The following XXYLT1 variants were observed in gnomAD, a reference collection of about 807,000 sequenced individuals.
XXYLT1 encodes the protein xyloside xylosyltransferase 1, also known as UDP-xylose:alpha-xyloside alpha-1,3-xylosyltransferase.
XXYLT1 carries 20 observed loss-of-function variants against 28.9 expected under a neutral mutation model. The observed-to-expected ratio is 0.69, with a 90% CI of 0.49 to 1.00. The LOEUF is 1.00. Among genes scored for constraint, XXYLT1 ranks in the 50% least tolerant of loss-of-function variants. The probability of loss-of-function intolerance (pLI) is 0.00; values close to 1 mark genes in which losing one functional copy is unlikely to be tolerated. For synonymous variants in XXYLT1, 257 were observed against 253.8 expected (o/e 1.01, Z -0.12); for missense variants, 542 against 560.1 (o/e 0.97, Z 0.33).
chr3:195,159,513 A>G (rs185730777), intron 2 of XXYLT1, among the ~76,000 whole-genome samples: 81 of 152,326 alleles, frequency 5.3e-4, no homozygotes, highest in Non-Finnish European at 9.9e-4. Flanking sequence ...GGGTGTGCTC[A>G]GGACTAACCA....
At position 195,180,116 on chromosome 3, in the gene XXYLT1, T is replaced by G. The variant is rs943103857; in HGVS notation, c.653-23535A>C. ...CAGTGGGGTTCTGGCAGAGCACCGC[T>G]GACCCGTCATGGAAGGAGGGGAGCA... On this transcript the variant is annotated intron_variant, in intron 2 of 3. Coordinates refer to ENST00000310380, the MANE Select transcript of XXYLT1 (RefSeq NM_152531.5). The surrounding 1 kb of genome is among the most constrained non-coding windows in gnomAD (Gnocchi z 5.8). Among the ~76,000 whole-genome samples, 1 of 152,172 alleles carries G rather than the reference T, an allele frequency of 6.6e-6. No homozygotes were observed. Among genetic ancestry groups the G allele is most frequent in the Non-Finnish European group, 1.5e-5 (1 of 68,036 alleles).
chr3:195,270,585 G>C lies in XXYLT1; in HGVS notation c.474C>G (p.Leu158=). ...REVAKGLLRE[L]LPPAAGFKCK... ...ACTTGAAGCCAGCGGCGGGCGGCAG[G>C]AGCTCCCGCAGCAGGCCCTTGGCCA... is the stretch of plus-strand genomic sequence containing the variant. The change falls in exon 1 of 4, where the codon CTC becomes CTG. Residue 158 remains leucine (L), a synonymous_variant. Coordinates refer to ENST00000310380, the MANE Select transcript of XXYLT1 (RefSeq NM_152531.5). The C allele has an allele frequency of 7.2e-7, 1 of 1,385,588 alleles. No homozygotes were observed. Among genetic ancestry groups the C allele is most frequent in the East Asian group, 3.0e-5 (1 of 33,602 alleles). The allele number at this position is 1,385,588 out of a possible 1,614,324, so 85.8% of individuals were successfully genotyped here.
At chr3:195,220,692 C>CA (rs1161173774) in intron 2 of XXYLT1, among the ~76,000 whole-genome samples, 3 of 152,200 alleles carry the variant, frequency 2.0e-5, no homozygotes, top group African/African-American at 7.2e-5. Context: ...CCGAGCAGTA[C>CA]AATGAATGGA....
At chr3:195,116,028 G>C (rs1027537537) in intron 3 of XXYLT1, among the ~76,000 whole-genome samples, 1 of 152,118 alleles carries the variant, frequency 6.6e-6, no homozygotes, top group African/African-American at 2.4e-5. Context: ...GGTTGTTTAC[G>C]TGGACTTGAT....
At chr3:195,192,059 GA>G (rs1476478083) in intron 2 of XXYLT1, among the ~76,000 whole-genome samples, 4 of 152,158 alleles carry the variant, frequency 2.6e-5, no homozygotes, top group Non-Finnish European at 4.4e-5. Context: ...TCTGCACATT[GA>G]AGAACACACA....
In XXYLT1 at chr3:195,133,239, C is replaced by A. The variant is rs1419768424; in HGVS notation, c.785+23210G>T. ...GCTGAGCAGACAGATGGCTGCAAGT[C>A]CCAACGCTCTGATAAAAAAAGGAAA... On this transcript the variant is annotated intron_variant, in intron 3 of 3. Coordinates refer to ENST00000310380, the MANE Select transcript of XXYLT1 (RefSeq NM_152531.5). This position sits in a 1 kb window ranked among gnomAD's most constrained non-coding sequence, Gnocchi z 4.4. 1.3e-5 allele frequency among the ~76,000 whole-genome samples: 2 copies of A among 152,116 alleles called. No individual in the cohort carries two copies. The highest frequency in any genetic ancestry group is 2.9e-5 in the Non-Finnish European group (2 of 68,028).
chr3:195,131,044 T>C (rs1322689587), intron 3 of XXYLT1, among the ~76,000 whole-genome samples: 1 of 151,860 alleles, frequency 6.6e-6, no homozygotes. Flanking sequence ...CCTCCTTCAA[T>C]GTATCCCTCG....
intron 1 of XXYLT1, chr3:195,247,945 C>A: frequency 1.7e-6 from 1 of 578,760 alleles, no homozygotes. Flanking sequence ...GGAAGTCCCG[C>A]CCCTGTGGTC....
At chr3:195,202,132 G>A (rs572181848) in intron 2 of XXYLT1, among the ~76,000 whole-genome samples, 162 of 152,200 alleles carry the variant, frequency 1.1e-3, no homozygotes, top group Middle Eastern at 6.8e-3. Context: ...AGCCGAGATC[G>A]TGCCACTGCA....
rs1039682544 is a variant in XXYLT1, at chr3:195,068,964, G to A, written c.*751C>T. Reference sequence around the variant, plus strand: ...TGGCCAGTCTCTGTTCTTTGATGACGAATTTGCTTTCTGAGTAGAGTCTGG... The same window carrying A: ...TGGCCAGTCTCTGTTCTTTGATGACAAATTTGCTTTCTGAGTAGAGTCTGG... On this transcript the variant is annotated 3_prime_UTR_variant, in exon 4 of 4. Transcript: ENST00000310380. The A allele has an allele frequency of 3.3e-5, 5 of 152,136 alleles. No individual in the cohort carries two copies. The highest frequency in any genetic ancestry group is 5.9e-5 in the Non-Finnish European group (4 of 68,054). The allele number at this position is 152,136 out of a possible 1,614,324, so 9.4% of individuals were successfully genotyped here.
chr3:195,191,212 C>T (rs967853107), intron 2 of XXYLT1, among the ~76,000 whole-genome samples: 1 of 152,062 alleles, frequency 6.6e-6, no homozygotes, highest in Non-Finnish European at 1.5e-5. Context: ...AAAAGTTATA[C>T]CAAGTGTGCC....
At chr3:195,130,684 G>A (rs562928414) in intron 3 of XXYLT1, among the ~76,000 whole-genome samples, 4 of 152,312 alleles carry the variant, frequency 2.6e-5, no homozygotes, top group South Asian at 2.1e-4. Flanking sequence ...CACTGGAGGC[G>A]AGAGGAGGGG....
intron 3 of XXYLT1, among the ~76,000 whole-genome samples, chr3:195,136,714 A>G (rs1474586342): frequency 1.3e-5 from 2 of 152,220 alleles, no homozygotes; most frequent in African/African-American, 4.8e-5. Context: ...AGCCCTGGCC[A>G]GAAGCACACA....
intron 1 of XXYLT1, among the ~76,000 whole-genome samples, chr3:195,228,739 C>A (rs1364998996): frequency 6.6e-6 from 1 of 152,068 alleles, no homozygotes; most frequent in East Asian, 1.9e-4. Flanking sequence ...GCGCCCGCCT[C>A]GGCCTCCCAA....
chr3:195,231,320 T>G (rs1257279086), intron 1 of XXYLT1, among the ~76,000 whole-genome samples: 1 of 152,164 alleles, frequency 6.6e-6, no homozygotes, highest in Non-Finnish European at 1.5e-5. Context: ...TAGGAGGTCA[T>G]ATCATCTGCA....
intron 3 of XXYLT1, among the ~76,000 whole-genome samples, chr3:195,079,534 A>G (rs761493789): frequency 6.6e-6 from 1 of 152,214 alleles, no homozygotes; most frequent in East Asian, 1.9e-4. Context: ...TGTATTCAGT[A>G]TAATGTTTGT....
intron 3 of XXYLT1, among the ~76,000 whole-genome samples, chr3:195,104,361 T>C (rs9288754): frequency 0.49 from 74,903 of 151,468 alleles, 19,917 homozygotes; most frequent in Non-Finnish European, 0.58. Flanking sequence ...TGGTTCTGAG[T>C]CCCAATCATT....
At chr3:195,228,807 A>T (rs894536288) in intron 1 of XXYLT1, among the ~76,000 whole-genome samples, 2 of 146,582 alleles carry the variant, frequency 1.4e-5, no homozygotes, top group Non-Finnish European at 3.0e-5. Flanking sequence ...TATTTCTTCT[A>T]TATGTATCTC....
Position 195,115,162 on chromosome 3 carries a change from G to C in XXYLT1, c.785+41287C>G, listed in dbSNP as rs1717979834. 6.6e-6 allele frequency among the ~76,000 whole-genome samples: 1 copy of C among 152,206 alleles called. No individual in the cohort carries two copies. Among genetic ancestry groups the C allele is most frequent in the African/African-American group, 2.4e-5 (1 of 41,448 alleles). ...ACGTGAATCAGGTGCTGCGACTCGG[G>C]AACTAGTGTGCTCACATGAGACGTG... On this transcript the variant is annotated intron_variant, in intron 3 of 3. Transcript: ENST00000310380. The surrounding 1 kb of genome is among the most constrained non-coding windows in gnomAD (Gnocchi z 4.2).
Sources: gnomAD v4.1 joint callset for allele counts (sites outside exome capture counted in the v4.1 genomes callset) on GRCh38, gnomAD v4.1.1 for gene constraint, Gnocchi (gnomAD v3.1) non-coding constraint, MANE v1.5 for transcripts, NCBI Gene and HGNC (gene_info 2026-07-23, HGNC 2026-07-21) for gene names.